Variants in ACOX1 observed in about 807,000 individuals in gnomAD.
ACOX1 encodes the protein acyl-CoA oxidase 1.
A neutral mutation model predicts 75.5 loss-of-function variants in ACOX1; 41 were observed. That is an observed-to-expected ratio of 0.54 (90% confidence interval 0.42 to 0.70). ACOX1 has a LOEUF of 0.70. Ranked by LOEUF, ACOX1 falls within the 30% of genes least tolerant of loss-of-function variation. The probability of loss-of-function intolerance (pLI) is 0.00; values close to 1 mark genes in which losing one functional copy is unlikely to be tolerated. For missense variants in ACOX1, 630 were observed against 837.5 expected (o/e 0.75, Z 3.06); for synonymous variants, 303 against 298.8 (o/e 1.01, Z -0.15).
chr17:75,963,630 G>C (rs370971566), intron 2 of ACOX1, among the ~76,000 whole-genome samples: 2 of 151,744 alleles, frequency 1.3e-5, no homozygotes, highest in South Asian at 4.2e-4. Context: ...CCCGGGAGGC[G>C]GAGGCTGCAG....
chr17:75,964,769 G>A (rs376258014), intron 2 of ACOX1, among the ~76,000 whole-genome samples: 3 of 152,048 alleles, frequency 2.0e-5, no homozygotes, highest in Non-Finnish European at 2.9e-5. Flanking sequence ...GTAAAATTAC[G>A]AAGCACCAAC....
intron 2 of ACOX1, among the ~76,000 whole-genome samples, chr17:75,974,264 C>G (rs1450705442): frequency 6.6e-6 from 1 of 151,948 alleles, no homozygotes. Context: ...ATAATTTCAA[C>G]TATGTTTCCC....
rs543582773 is a variant in ACOX1, at chr17:75,944,806, C to T, written c.*1942G>A. 4 of 152,290 alleles carry T rather than the reference C, an allele frequency of 2.6e-5. No homozygotes were observed. Among genetic ancestry groups the T allele is most frequent in the African/African-American group, 4.8e-5 (2 of 41,566 alleles). The allele number at this position is 152,290 out of a possible 1,614,324, so 9.4% of individuals were successfully genotyped here. A position where few individuals can be genotyped will look rare whatever the true frequency, so the allele number is the denominator to read the frequency against. ...CCAGGCTGCAGTGTAGTGGCACCAT[C>T]TTGGCTCACTGCAACCTCTACCCGC... On this transcript the variant is annotated 3_prime_UTR_variant, in exon 14 of 14. Coordinates refer to ENST00000293217, the MANE Select transcript of ACOX1 (RefSeq NM_004035.7).
intron 6 of ACOX1, among the ~76,000 whole-genome samples, chr17:75,954,640 C>T (rs1373725039): frequency 5.3e-5 from 7 of 133,278 alleles, no homozygotes; most frequent in African/African-American, 1.7e-4. Context: ...GGTGTGATCT[C>T]GACTTACTGC....
At chr17:75,973,924 T>C in intron 2 of ACOX1, 1 of 809,724 alleles carries the variant, frequency 1.2e-6, no homozygotes, top group Non-Finnish European at 2.0e-6. Flanking sequence ...AAATATAAGA[T>C]TTACCATTTT....
At chr17:75,947,522 AGCCTGG>A (rs1321603468) in intron 13 of ACOX1, among the ~76,000 whole-genome samples, 1 of 152,056 alleles carries the variant, frequency 6.6e-6, no homozygotes, top group Non-Finnish European at 1.5e-5. Flanking sequence ...TGCATCACTG[AGCCTGG>A]CCCTGATGTC....
chr17:75,963,497 C>G (rs745687142), intron 2 of ACOX1, among the ~76,000 whole-genome samples: 2 of 151,570 alleles, frequency 1.3e-5, no homozygotes, highest in Non-Finnish European at 2.9e-5. Flanking sequence ...ATCAGGAGAT[C>G]GAGACCATCC....
Position 75,979,159 on chromosome 17 carries a change from T to G in ACOX1, c.-86A>C. Reference sequence around the variant, plus strand: ...CGCAGCTCCAGCGCCGGCCGGACCCTAGGAGGCAGCCTCAGGACGGCGCAA... The same window carrying G: ...CGCAGCTCCAGCGCCGGCCGGACCCGAGGAGGCAGCCTCAGGACGGCGCAA... On this transcript the variant is annotated 5_prime_UTR_variant, in exon 1 of 14. Coordinates refer to ENST00000293217, the MANE Select transcript of ACOX1 (RefSeq NM_004035.7). 1 of 1,541,892 alleles carries G rather than the reference T, an allele frequency of 6.5e-7. No individual in the cohort carries two copies. The highest frequency in any genetic ancestry group is 2.4e-5 in the East Asian group (1 of 41,986).
rs565568345 is a variant in ACOX1 at position 75,967,059 on chromosome 17, C to CA, written c.270-6685dup. ...GTGACAGAGTGAGACTCTTGTCTCT[C>CA]AAAAAAAAGAAAAAAGAAGTACAAA... On this transcript the variant is annotated intron_variant, in intron 2 of 13. Transcript: ENST00000293217. Among the ~76,000 whole-genome samples, 39 of 97,690 alleles carry CA rather than the reference C, an allele frequency of 4.0e-4. No individual in the cohort carries two copies. The East Asian group carries it at 0.011, about 27-fold the overall frequency. 64.1% of individuals were successfully genotyped at this position (97,690 alleles called of 152,430 possible).
chr17:75,961,338 G>A (rs886672913), intron 2 of ACOX1, among the ~76,000 whole-genome samples: 21 of 150,690 alleles, frequency 1.4e-4, no homozygotes, highest in Admixed American at 3.3e-4. Context: ...AGTTGTATAG[G>A]GCCAGGCATG....
In ACOX1 at chr17:75,979,077, G is replaced by C; in HGVS notation, c.-4C>G. ...CCCTGCGCAGGTCCGGGTTCATGGC[G>C]ACGACCAGCTGGCAGCGAAGTAAGC... is the stretch of plus-strand genomic sequence containing the variant. On this transcript the variant is annotated 5_prime_UTR_variant, in exon 1 of 14. Coordinates refer to ENST00000293217, the MANE Select transcript of ACOX1 (RefSeq NM_004035.7). The C allele has an allele frequency of 6.2e-7, 1 of 1,611,190 alleles. No individual in the cohort carries two copies. The highest frequency in any genetic ancestry group is 8.5e-7 in the Non-Finnish European group (1 of 1,179,968).
intron 6 of ACOX1, among the ~76,000 whole-genome samples, chr17:75,954,530 A>T (rs985531321): frequency 2.7e-5 from 4 of 148,780 alleles, no homozygotes; most frequent in African/African-American, 7.7e-5. Flanking sequence ...CAAAAAAAAA[A>T]AAAAGGGGCA....
chr17:75,961,643 C>A (rs995581312), intron 2 of ACOX1, among the ~76,000 whole-genome samples: 1 of 151,444 alleles, frequency 6.6e-6, no homozygotes, highest in Middle Eastern at 3.4e-3. Flanking sequence ...GTGGCACATG[C>A]CTGTAATCCA....
At position 75,946,288 on chromosome 17, in the gene ACOX1, C is replaced by T; in HGVS notation, c.*460G>A. On this transcript the variant is annotated 3_prime_UTR_variant, in exon 14 of 14. Coordinates refer to ENST00000293217, the MANE Select transcript of ACOX1 (RefSeq NM_004035.7). ...TTCCCCCAGTCCCTTTTCTTCAATC[C>T]TGCTTTTAAGCCAGGCCCCAGGGTA... 1 of 189,032 alleles carries T rather than the reference C, an allele frequency of 5.3e-6. No homozygotes were observed. The highest frequency in any genetic ancestry group is 1.1e-5 in the Non-Finnish European group (1 of 89,980). 11.7% of individuals were successfully genotyped at this position (189,032 alleles called of 1,614,324 possible). A position where few individuals can be genotyped will look rare whatever the true frequency, so the allele number is the denominator to read the frequency against.
At chr17:75,975,246 C>T (rs1318414648) in intron 2 of ACOX1, among the ~76,000 whole-genome samples, 1 of 151,906 alleles carries the variant, frequency 6.6e-6, no homozygotes, top group African/African-American at 2.4e-5. Flanking sequence ...GCAACCTCTG[C>T]CTCCTAGGTT....
In ACOX1 at chr17:75,967,635, C is replaced by T. The variant is rs374366921; in HGVS notation, c.270-7260G>A. ...ATATACATACATATATATATACATA[C>T]ATATATATACGTATATATATACATA... On this transcript the variant is annotated intron_variant, in intron 2 of 13. Transcript: ENST00000293217. 8.0e-4 allele frequency among the ~76,000 whole-genome samples: 89 copies of T among 111,464 alleles called. 1 individual carries two copies. The highest frequency in any genetic ancestry group is 0.01 in the Middle Eastern group (2 of 192). The allele number at this position is 111,464 out of a possible 152,430, so 73.1% of individuals were successfully genotyped here.
intron 3 of ACOX1, among the ~76,000 whole-genome samples, chr17:75,959,610 G>T (rs896924770): frequency 6.6e-6 from 1 of 152,136 alleles, no homozygotes; most frequent in South Asian, 2.1e-4. Flanking sequence ...GCAGGTGGGG[G>T]GTGGAAAGAT....
chr17:75,967,782 C>G (rs1464112004), intron 2 of ACOX1, among the ~76,000 whole-genome samples: 1 of 148,240 alleles, frequency 6.7e-6, no homozygotes, highest in Non-Finnish European at 1.5e-5. Context: ...ACTCTGTCAC[C>G]CAGGCTGGAG....
At chr17:75,952,785 C>T (rs947329263) in intron 7 of ACOX1, among the ~76,000 whole-genome samples, 7 of 148,622 alleles carry the variant, frequency 4.7e-5, no homozygotes, top group South Asian at 4.3e-4. Context: ...AAGCTGAGAT[C>T]GCGCCACTGC....
Sources: gnomAD v4.1 joint callset for allele counts (sites outside exome capture counted in the v4.1 genomes callset) on GRCh38, gnomAD v4.1.1 for gene constraint, MANE v1.5 for transcripts, NCBI Gene and HGNC (gene_info 2026-07-23, HGNC 2026-07-21) for gene names.